Variants in TNKS observed in about 807,000 individuals in gnomAD.
TNKS encodes poly [ADP-ribose] polymerase tankyrase-1.
A neutral mutation model predicts 135.8 loss-of-function variants in TNKS; 72 were observed. The observed-to-expected ratio is 0.53, with a 90% CI of 0.44 to 0.64. The LOEUF is 0.64. TNKS is among the 30% of genes least tolerant of loss of function. The probability of loss-of-function intolerance (pLI) is 0.00; values close to 1 mark genes in which losing one functional copy is unlikely to be tolerated. For synonymous variants in TNKS, 849 were observed against 649.3 expected, an observed-to-expected ratio of 1.31 and a Z score of -4.68; for missense variants, 1,769 against 1,674.0, an observed-to-expected ratio of 1.06 and a Z score of -0.99.
In TNKS at chr8:9,708,445, C is replaced by G. The variant is rs375493489; in HGVS notation, c.1531C>G (p.Leu511Val). Residue 511 changes from leucine to valine, a missense_variant, in exon 9 of 27, where the codon CTG becomes GTG. Leu to Val is a conservative substitution (Grantham distance 32). Around this residue, in one of 5 missense-constraint regions of TNKS, gnomAD observed 523 missense variants for 541.0 expected, o/e 0.97. Transcript: ENST00000310430. The stretch of plus-strand genomic sequence containing the variant: ...AGCTAAAGTTAAAAAAACACTCGCT[C>G]TGGAAATCATTAATTTCAAACAACC... The part of the protein sequence containing the change: ...DLAKVKKTLA[L>V]EIINFKQPQS... The G allele has an allele frequency of 2.5e-6, 4 of 1,609,600 alleles. No homozygotes were observed. In the African/African-American group the frequency reaches 5.3e-5, roughly 22 times the overall value.
At chr8:9,599,190 A>G (rs759280460) in intron 2 of TNKS, among the ~76,000 whole-genome samples, 1 of 152,114 alleles carries the variant, frequency 6.6e-6, no homozygotes, top group African/African-American at 2.4e-5. Context: ...GTGTGGCACA[A>G]ATGAATTCAT....
intron 3 of TNKS, among the ~76,000 whole-genome samples, chr8:9,631,554 G>C (rs1211943150): frequency 6.6e-6 from 1 of 152,148 alleles, no homozygotes; most frequent in East Asian, 1.9e-4. Context: ...CTATTTGGTA[G>C]ACTTAGTTAT....
intron 2 of TNKS, among the ~76,000 whole-genome samples, chr8:9,581,057 T>G (rs1336860087): frequency 6.6e-6 from 1 of 152,196 alleles, no homozygotes; most frequent in Non-Finnish European, 1.5e-5. Flanking sequence ...ATCATCTGTT[T>G]TTTGATACTT....
At chr8:9,659,811 A>G (rs1034694951) in intron 3 of TNKS, among the ~76,000 whole-genome samples, 5 of 152,304 alleles carry the variant, frequency 3.3e-5, no homozygotes, top group Non-Finnish European at 4.4e-5. Context: ...GGTTTTTTGG[A>G]AAGATCAACA....
chr8:9,767,916 G>A lies in TNKS; in HGVS notation c.3740+1491G>A, dbSNP rs375709531. ...GGAGGTTGCAGTGAGCCGAGATCGC[G>A]CCACTGCACTCCAGCCTGGGCGACA... On this transcript the variant is annotated intron_variant, in intron 25 of 26. Coordinates refer to ENST00000310430, the MANE Select transcript of TNKS (RefSeq NM_003747.3). Among the ~76,000 whole-genome samples, 596 of 144,184 alleles carry A rather than the reference G, an allele frequency of 4.1e-3. 5 individuals are homozygous for A. Among genetic ancestry groups the A allele is most frequent in the African/African-American group, 0.015 (567 of 38,372 alleles). The allele number at this position is 144,184 out of a possible 152,430, so 94.6% of individuals were successfully genotyped here.
chr8:9,641,039 C>G (rs1800707304), intron 3 of TNKS, among the ~76,000 whole-genome samples: 1 of 146,082 alleles, frequency 6.8e-6, no homozygotes, highest in African/African-American at 2.5e-5. Context: ...TAGATTATTT[C>G]TAACACCCAT....
intron 14 of TNKS, among the ~76,000 whole-genome samples, chr8:9,731,347 C>G (rs1805427205): frequency 6.6e-6 from 1 of 150,498 alleles, no homozygotes; most frequent in African/African-American, 2.4e-5. Context: ...GTAATCCCAG[C>G]TACTTGGGAG....
At chr8:9,563,270 A>C (rs959883190) in intron 1 of TNKS, among the ~76,000 whole-genome samples, 2 of 151,996 alleles carry the variant, frequency 1.3e-5, no homozygotes, top group Non-Finnish European at 1.5e-5. Context: ...CTTTCTTTTG[A>C]ATCCTATTAA....
chr8:9,651,513 G>T (rs1801146887), intron 3 of TNKS, among the ~76,000 whole-genome samples: 1 of 152,180 alleles, frequency 6.6e-6, no homozygotes, highest in South Asian at 2.1e-4. Context: ...CTTAGAAGGG[G>T]CTTCTTGTAG....
chr8:9,650,070 T>G (rs1344025986), intron 3 of TNKS, among the ~76,000 whole-genome samples: 3 of 151,902 alleles, frequency 2.0e-5, no homozygotes, highest in African/African-American at 7.3e-5. Context: ...TTTTGTATTT[T>G]TGGTAGAGAC....
intron 11 of TNKS, among the ~76,000 whole-genome samples, chr8:9,710,859 A>G (rs11773927): frequency 0.23 from 34,261 of 151,926 alleles, 4,170 homozygotes; most frequent in East Asian, 0.4. Flanking sequence ...TTGCGCCACT[A>G]CACTCCAGCC....
At chr8:9,774,640 T>C (rs1012932182) in intron 26 of TNKS, among the ~76,000 whole-genome samples, 1 of 152,186 alleles carries the variant, frequency 6.6e-6, no homozygotes, top group Non-Finnish European at 1.5e-5. Context: ...ATTGATTAAT[T>C]AGTAACTTAA....
At chr8:9,655,177 C>T (rs554975189) in intron 3 of TNKS, among the ~76,000 whole-genome samples, 12 of 152,300 alleles carry the variant, frequency 7.9e-5, no homozygotes, top group Admixed American at 2.0e-4. Context: ...AACTGCAAGG[C>T]AGCAGCGAGG....
intron 3 of TNKS, among the ~76,000 whole-genome samples, chr8:9,640,275 A>G (rs7828963): frequency 0.98 from 148,878 of 152,160 alleles, 72,909 homozygotes; most frequent in East Asian, 1. Flanking sequence ...GGGCCTTCTT[A>G]CTGTGTTATT....
chr8:9,765,519 C>T (rs1205024822), intron 23 of TNKS, among the ~76,000 whole-genome samples, 173 bp from the exon 24 acceptor site: 1 of 151,948 alleles, frequency 6.6e-6, no homozygotes, highest in Non-Finnish European at 1.5e-5. Context: ...AAAATTATGT[C>T]ACTAACAGCT....
At chr8:9,731,581 TTGTAAATG>T (rs917548627) in intron 14 of TNKS, among the ~76,000 whole-genome samples, 2 of 152,080 alleles carry the variant, frequency 1.3e-5, no homozygotes, top group African/African-American at 4.8e-5. Context: ...CCTCCAGATA[TTGTAAATG>T]CATAGACTTG....
intron 5 of TNKS, among the ~76,000 whole-genome samples, chr8:9,700,098 TAG>T (rs1374560893): frequency 6.6e-6 from 1 of 152,112 alleles, no homozygotes. Flanking sequence ...TGCTTGCCTC[TAG>T]AGTGGTTTAG....
intron 3 of TNKS, among the ~76,000 whole-genome samples, chr8:9,633,186 A>G (rs1281310076): frequency 1.3e-5 from 2 of 152,334 alleles, no homozygotes; most frequent in East Asian, 3.9e-4. Context: ...ATGTACTACT[A>G]ACCTTCTCAG....
At position 9,777,493 on chromosome 8, in the gene TNKS, G is replaced by A. The variant is rs1808281654; in HGVS notation, c.*757G>A. 6.6e-6 allele frequency: 1 copy of A among 152,260 alleles called. No homozygotes were observed. Among genetic ancestry groups the A allele is most frequent in the African/African-American group, 2.4e-5 (1 of 41,464 alleles). 9.4% of individuals were successfully genotyped at this position (152,260 alleles called of 1,614,324 possible). On this transcript the variant is annotated 3_prime_UTR_variant, in exon 27 of 27. Coordinates refer to ENST00000310430, the MANE Select transcript of TNKS (RefSeq NM_003747.3). Reference sequence around the variant, plus strand: ...CTTAGGAACGCCTAAATTCAGAGAAGTCAAAGCCGGTGAAGGCCACTTGCT... The same window carrying A: ...CTTAGGAACGCCTAAATTCAGAGAAATCAAAGCCGGTGAAGGCCACTTGCT...
Sources: allele counts gnomAD v4.1 joint callset (sites outside exome capture counted in the v4.1 genomes callset), GRCh38; gene constraint gnomAD v4.1.1; regional missense constraint gnomAD v4.1.1; transcripts MANE v1.5; gene names NCBI Gene and HGNC (gene_info 2026-07-23, HGNC 2026-07-21).